CTNNA3: variants seen among roughly 807,000 people sequenced by gnomAD.
CTNNA3 encodes catenin alpha 3, also known as catenin alpha-3.
Under a neutral mutation model 95.7 loss-of-function variants are expected in CTNNA3, and 76 were observed. That is an observed-to-expected ratio of 0.79 (90% CI 0.66 to 0.96). The LOEUF (loss-of-function observed/expected upper bound fraction) is 0.96, where lower values mean the gene tolerates loss of function less well. Among genes scored for constraint, CTNNA3 ranks in the 40% least tolerant of loss-of-function variants. The probability of loss-of-function intolerance (pLI) is 0.00; values close to 1 mark genes in which losing one functional copy is unlikely to be tolerated. For missense variants in CTNNA3, 1,191 were observed against 1,089.8 expected (o/e 1.09, Z -1.31); for synonymous variants, 431 against 374.4 (o/e 1.15, Z -1.74).
At chr10:66,447,691 C>G (rs191945655) in intron 11 of CTNNA3, among the ~76,000 whole-genome samples, 2 of 152,136 alleles carry the variant, frequency 1.3e-5, no homozygotes. Flanking sequence ...GGATTAAAGA[C>G]TTAACATGTT....
chr10:66,749,546 A>AT (rs967979078), intron 9 of CTNNA3, among the ~76,000 whole-genome samples: 2 of 151,964 alleles, frequency 1.3e-5, no homozygotes, highest in African/African-American at 4.8e-5. Flanking sequence ...TTGGTAGCTC[A>AT]TTTTTTTGTG....
chr10:67,561,164 C>A (rs971809224), intron 3 of CTNNA3, among the ~76,000 whole-genome samples: 61 of 145,216 alleles, frequency 4.2e-4, no homozygotes, highest in Admixed American at 1.3e-3. Context: ...GAGCTCTCCA[C>A]CCCAAATCAA....
chr10:67,367,459 CTGTT>C (rs1175573835), intron 5 of CTNNA3, among the ~76,000 whole-genome samples: 1 of 151,448 alleles, frequency 6.6e-6, no homozygotes, highest in Non-Finnish European at 1.5e-5. Flanking sequence ...TGCCTATAAA[CTGTT>C]TGTGGGAATG....
At position 67,576,823 on chromosome 10, in the gene CTNNA3, C is replaced by T. The variant is rs914243328; in HGVS notation, c.292+30034G>A. 2.4e-4 allele frequency among the ~76,000 whole-genome samples: 26 copies of T among 108,608 alleles called. 5 individuals are homozygous for T. The highest frequency in any genetic ancestry group is 4.2e-4 in the Non-Finnish European group (26 of 62,280). The allele number at this position is 108,608 out of a possible 152,430, so 71.3% of individuals were successfully genotyped here. ...TGCGGTGTTTGGTTTTTTGTCCTTG[C>T]AATAGTTTGCTGAGAATGATAGTTT... On this transcript the variant is annotated intron_variant, in intron 3 of 17. Coordinates refer to ENST00000433211, the MANE Select transcript of CTNNA3 (RefSeq NM_013266.4).
chr10:65,975,803 T>C (rs539357786), intron 16 of CTNNA3, among the ~76,000 whole-genome samples: 1 of 152,280 alleles, frequency 6.6e-6, no homozygotes, highest in East Asian at 1.9e-4. Context: ...TTCATTCACA[T>C]GCATACACAA....
chr10:66,998,785 A>G (rs1186826421), intron 7 of CTNNA3, among the ~76,000 whole-genome samples: 1 of 152,146 alleles, frequency 6.6e-6, no homozygotes, highest in Non-Finnish European at 1.5e-5. Context: ...TTTTCTTATA[A>G]CTGATACATC....
intron 7 of CTNNA3, among the ~76,000 whole-genome samples, chr10:66,997,453 A>G (rs1016798183): frequency 6.6e-6 from 1 of 152,224 alleles, no homozygotes; most frequent in Admixed American, 6.5e-5. Flanking sequence ...AACTGATAAA[A>G]CAATAACATT....
chr10:66,971,201 G>A (rs1237644291), intron 7 of CTNNA3, among the ~76,000 whole-genome samples: 2 of 152,114 alleles, frequency 1.3e-5, no homozygotes, highest in Non-Finnish European at 2.9e-5. Context: ...ACCGAGGCAG[G>A]CAGATCACAA....
At chr10:66,774,892 T>G (rs138419468) in intron 8 of CTNNA3, among the ~76,000 whole-genome samples, 66 of 152,318 alleles carry the variant, frequency 4.3e-4, no homozygotes, top group African/African-American at 1.4e-3. Context: ...CCTGATGACT[T>G]AAGGTTAAAA....
At chr10:66,001,204 G>T (rs367552497) in intron 15 of CTNNA3, among the ~76,000 whole-genome samples, 1 of 152,022 alleles carries the variant, frequency 6.6e-6, no homozygotes, top group Admixed American at 6.5e-5. Context: ...GTAGCCTACA[G>T]TCCTGGGGTT....
intron 1 of CTNNA3, among the ~76,000 whole-genome samples, chr10:67,726,442 A>AT (rs372806262): frequency 1.3e-3 from 96 of 71,398 alleles, no homozygotes; most frequent in South Asian, 0.012. Flanking sequence ...CATATATAAT[A>AT]TATAATATTA....
At chr10:66,315,130 T>C (rs1464691109) in intron 12 of CTNNA3, among the ~76,000 whole-genome samples, 1 of 152,022 alleles carries the variant, frequency 6.6e-6, no homozygotes, top group Non-Finnish European at 1.5e-5. Flanking sequence ...AGCTTATTGC[T>C]CCTTTTTTTT....
At chr10:66,282,598 A>G (rs1051124888) in intron 12 of CTNNA3, among the ~76,000 whole-genome samples, 1 of 151,750 alleles carries the variant, frequency 6.6e-6, no homozygotes, top group East Asian at 1.9e-4. Context: ...TTTTAGCCCC[A>G]CTGTCTCTAT....
At chr10:67,396,587 C>T (rs1275000519) in intron 5 of CTNNA3, among the ~76,000 whole-genome samples, 1 of 151,958 alleles carries the variant, frequency 6.6e-6, no homozygotes, top group Non-Finnish European at 1.5e-5. Context: ...GAAGCCTTAC[C>T]AATAACATAA....
intron 3 of CTNNA3, among the ~76,000 whole-genome samples, chr10:67,566,294 G>C: frequency 6.9e-6 from 1 of 145,898 alleles, no homozygotes; most frequent in Admixed American, 6.9e-5. Flanking sequence ...CTGATATCCA[G>C]AATCTACAAT....
chr10:66,958,317 A>C (rs1464354599), intron 7 of CTNNA3, among the ~76,000 whole-genome samples: 2 of 97,124 alleles, frequency 2.1e-5, no homozygotes, highest in Non-Finnish European at 4.5e-5. Flanking sequence ...GCAAAAAAAA[A>C]AAAAAAAAAA....
chr10:67,753,109 G>A (rs376405078), intron 1 of CTNNA3, among the ~76,000 whole-genome samples: 12 of 152,116 alleles, frequency 7.9e-5, no homozygotes, highest in Admixed American at 2.6e-4. Flanking sequence ...GCATGGAACC[G>A]GTACCAAAAC....
intron 5 of CTNNA3, among the ~76,000 whole-genome samples, chr10:67,329,970 G>A (rs1020169705): frequency 6.6e-6 from 1 of 152,208 alleles, no homozygotes; most frequent in African/African-American, 2.4e-5. Flanking sequence ...ATGCCAGCTA[G>A]AGTTCCAACC....
intron 7 of CTNNA3, among the ~76,000 whole-genome samples, chr10:67,092,746 T>G (rs1434088791): frequency 6.6e-6 from 1 of 152,022 alleles, no homozygotes; most frequent in Non-Finnish European, 1.5e-5. Flanking sequence ...GTACTTTTTA[T>G]GTGAAAGGTA....
Sources: allele counts gnomAD v4.1 joint callset (sites outside exome capture counted in the v4.1 genomes callset), GRCh38; gene constraint gnomAD v4.1.1; transcripts MANE v1.5; gene names NCBI Gene and HGNC (gene_info 2026-07-23, HGNC 2026-07-21).